Variants in CNTNAP2 observed in about 807,000 individuals in gnomAD.
CNTNAP2 encodes contactin associated protein 2.
In CNTNAP2, 98 loss-of-function variants were observed where a neutral mutation model predicts 155.2. The ratio of observed to expected loss-of-function variants is 0.63; its 90% CI spans 0.54 to 0.75. The LOEUF is 0.75. CNTNAP2 is among the 30% of genes least tolerant of loss of function. The pLI, the probability that CNTNAP2 is intolerant of heterozygous loss-of-function variation, is 0.00. For synonymous variants in CNTNAP2, 651 were observed against 631.2 expected, an observed-to-expected ratio of 1.03 and a Z score of -0.47; for missense variants, 1,727 against 1,688.1, an observed-to-expected ratio of 1.02 and a Z score of -0.40.
At chr7:147,155,213 C>A (rs1476783781) in intron 8 of CNTNAP2, among the ~76,000 whole-genome samples, 1 of 152,078 alleles carries the variant, frequency 6.6e-6, no homozygotes, top group East Asian at 1.9e-4. Flanking sequence ...TCAGAGAGAT[C>A]CCTTGAGCCT....
intron 3 of CNTNAP2, among the ~76,000 whole-genome samples, chr7:147,007,560 TA>T (rs1798547479): frequency 6.6e-6 from 1 of 152,118 alleles, no homozygotes; most frequent in East Asian, 1.9e-4. Flanking sequence ...TAATGTAAAT[TA>T]AATATCTGAG....
At chr7:146,636,196 G>A (rs960375072) in intron 1 of CNTNAP2, among the ~76,000 whole-genome samples, 3 of 152,002 alleles carry the variant, frequency 2.0e-5, no homozygotes, top group Non-Finnish European at 1.5e-5. Context: ...GGCAGGGCAG[G>A]GGGGCGGGGG....
At chr7:147,842,581 A>ATTTTT (rs1798766426) in intron 13 of CNTNAP2, among the ~76,000 whole-genome samples, 5 of 56,558 alleles carry the variant, frequency 8.8e-5, no homozygotes, top group Non-Finnish European at 1.3e-4. Flanking sequence ...TTTACTTTTT[A>ATTTTT]CTTTTCTTTT....
At chr7:148,137,515 A>G (rs1214296240) in intron 16 of CNTNAP2, among the ~76,000 whole-genome samples, 1 of 152,178 alleles carries the variant, frequency 6.6e-6, no homozygotes, top group Non-Finnish European at 1.5e-5. Context: ...CAAAAGAATT[A>G]GCCAGATGTG....
chr7:148,403,771 G>A (rs970679296), intron 22 of CNTNAP2, among the ~76,000 whole-genome samples: 3 of 151,976 alleles, frequency 2.0e-5, no homozygotes, highest in Non-Finnish European at 2.9e-5. Context: ...TGTGTTGATC[G>A]CCAGAATAAA....
At chr7:147,814,881 G>A (rs957374611) in intron 13 of CNTNAP2, among the ~76,000 whole-genome samples, 17 of 152,148 alleles carry the variant, frequency 1.1e-4, no homozygotes, top group African/African-American at 3.9e-4. Context: ...TGGGGTAACA[G>A]CAAAGCAAAA....
intron 1 of CNTNAP2, among the ~76,000 whole-genome samples, chr7:146,198,601 T>C (rs1043423548): frequency 6.6e-6 from 1 of 152,214 alleles, no homozygotes; most frequent in African/African-American, 2.4e-5. Context: ...ATCTACGTTA[T>C]GGTATCATCT....
intron 18 of CNTNAP2, among the ~76,000 whole-genome samples, chr7:148,216,476 T>C (rs1281688898): frequency 6.6e-6 from 1 of 151,150 alleles, no homozygotes; most frequent in Non-Finnish European, 1.5e-5. Flanking sequence ...TCTAAGGACG[T>C]AGGGCTTATA....
chr7:146,926,714 T>A (rs371232024), intron 3 of CNTNAP2, among the ~76,000 whole-genome samples: 38 of 152,246 alleles, frequency 2.5e-4, no homozygotes, highest in African/African-American at 9.1e-4. Flanking sequence ...TGATATAAAG[T>A]CTATGAATTA....
Position 146,343,411 on chromosome 7 carries a change from AAT to A in CNTNAP2, c.97+226441_97+226442del, listed in dbSNP as rs1445786946. Reference sequence around the variant, plus strand: ...ATAAGATTTAAAATCTTAAATGTACAATATGTTTGACTCATCTGATACGTTCC... The same window carrying A: ...ATAAGATTTAAAATCTTAAATGTACAATGTTTGACTCATCTGATACGTTCC... On this transcript the variant is annotated intron_variant, in intron 1 of 23. Transcript: ENST00000361727. 1.5e-4 allele frequency among the ~76,000 whole-genome samples: 23 copies of A among 152,260 alleles called. No homozygotes were observed. In the East Asian group the frequency reaches 4.1e-3, roughly 27 times the overall value.
chr7:146,246,436 G>GGA lies in CNTNAP2; in HGVS notation c.97+129464_97+129465insAG, dbSNP rs775431215. On this transcript the variant is annotated intron_variant, in intron 1 of 23. Coordinates refer to ENST00000361727, the MANE Select transcript of CNTNAP2 (RefSeq NM_014141.6). ...TTGTCTAAGTTGGCATGAGAGTGGG[G>GGA]GTTTTAAGAGGTTTAGAAGCCTGGC... Among the ~76,000 whole-genome samples the GGA allele has an allele frequency of 5.3e-5, 8 of 149,678 alleles. 1 individual carries two copies. The highest frequency in any genetic ancestry group is 1.0e-4 in the African/African-American group (4 of 39,312).
At chr7:148,145,574 G>A (rs1303178426) in intron 16 of CNTNAP2, among the ~76,000 whole-genome samples, 1 of 152,098 alleles carries the variant, frequency 6.6e-6, no homozygotes, top group African/African-American at 2.4e-5. Flanking sequence ...TTCCTACTTA[G>A]CCCAGGAACC....
chr7:147,891,549 GC>G (rs1235280565), intron 13 of CNTNAP2, among the ~76,000 whole-genome samples: 6 of 151,968 alleles, frequency 3.9e-5, no homozygotes, highest in African/African-American at 1.5e-4. Flanking sequence ...TAAACTTCTG[GC>G]TAGACTGGTC....
Position 146,686,777 on chromosome 7 carries a change from T to G in CNTNAP2, c.98-87494T>G, listed in dbSNP as rs1420644965. Reference sequence around the variant, plus strand: ...ACTTAATTCTCTGGCAGTTTTATAATGGCATATACAATTTCTATACACTAC... The same window carrying G: ...ACTTAATTCTCTGGCAGTTTTATAAGGGCATATACAATTTCTATACACTAC... On this transcript the variant is annotated intron_variant, in intron 1 of 23. Transcript: ENST00000361727. Among the ~76,000 whole-genome samples, 3 of 152,190 alleles carry G rather than the reference T, an allele frequency of 2.0e-5. No individual in the cohort carries two copies. In the East Asian group the frequency reaches 5.8e-4, roughly 29 times the overall value.
Position 146,864,837 on chromosome 7 carries a change from CAGAA to C in CNTNAP2, c.402+24934_402+24937del, listed in dbSNP as rs1260439572. ...CCAAACAAAGCAAAACAAAACAAAA[CAGAA>C]CCTGCAGGGTGGCAGGCTCCTGTGG... is the stretch of plus-strand genomic sequence containing the variant. On this transcript the variant is annotated intron_variant, in intron 3 of 23. Transcript: ENST00000361727. 9.6e-4 allele frequency among the ~76,000 whole-genome samples: 13 copies of C among 13,572 alleles called. No homozygotes were observed. The African/African-American group carries it at 0.018, about 19-fold the overall frequency. The allele number at this position is 13,572 out of a possible 152,430, so 8.9% of individuals were successfully genotyped here. A position where few individuals can be genotyped will look rare whatever the true frequency, so the allele number is the denominator to read the frequency against.
At chr7:147,571,723 G>T (rs1376902204) in intron 12 of CNTNAP2, among the ~76,000 whole-genome samples, 1 of 152,028 alleles carries the variant, frequency 6.6e-6, no homozygotes, top group African/African-American at 2.4e-5. Context: ...CATAAGTTGG[G>T]CGCTACTAAG....
intron 13 of CNTNAP2, among the ~76,000 whole-genome samples, chr7:147,839,939 T>TACACACACACACACACACACACACACAC (rs376480999): frequency 6.7e-6 from 1 of 149,746 alleles, no homozygotes; most frequent in African/African-American, 2.5e-5. Flanking sequence ...TATATATGTA[T>TACACACACACACACACACACACACACAC]ACACACACAC....
At chr7:146,564,688 T>C (rs1798330709) in intron 1 of CNTNAP2, among the ~76,000 whole-genome samples, 1 of 151,390 alleles carries the variant, frequency 6.6e-6, no homozygotes, top group Admixed American at 6.6e-5. Flanking sequence ...AGGAACTCAT[T>C]TTTTGGCTGT....
intron 21 of CNTNAP2, among the ~76,000 whole-genome samples, chr7:148,318,844 T>A (rs1797737436): frequency 6.6e-6 from 1 of 152,230 alleles, no homozygotes; most frequent in South Asian, 2.1e-4. Context: ...AACACCGCTC[T>A]CTTTCTCTGC....
Sources: allele counts gnomAD v4.1 joint callset (sites outside exome capture counted in the v4.1 genomes callset), GRCh38; gene constraint gnomAD v4.1.1; transcripts MANE v1.5; gene names NCBI Gene and HGNC (gene_info 2026-07-23, HGNC 2026-07-21).